THSD7B: variants seen among roughly 807,000 people sequenced by gnomAD.
THSD7B encodes thrombospondin type-1 domain-containing protein 7B.
In THSD7B, 138 loss-of-function variants were observed where a neutral mutation model predicts 213.6. That is an observed-to-expected ratio of 0.65 (90% CI 0.56 to 0.74). The LOEUF is 0.74. THSD7B is among the 30% of genes least tolerant of loss of function. The pLI is 0.00. For synonymous variants in THSD7B, 742 were observed against 687.0 expected (o/e 1.08, Z -1.25); for missense variants, 1,931 against 1,991.5 (o/e 0.97, Z 0.58).
chr2:137,478,216 C>T (rs1365939910), intron 15 of THSD7B, among the ~76,000 whole-genome samples: 1 of 152,134 alleles, frequency 6.6e-6, no homozygotes, highest in African/African-American at 2.4e-5. Context: ...TGCTAAAACA[C>T]CAAAAATTCA....
At chr2:136,979,648 A>C (rs1271502877) in intron 2 of THSD7B, among the ~76,000 whole-genome samples, 3 of 152,134 alleles carry the variant, frequency 2.0e-5, no homozygotes, top group Non-Finnish European at 4.4e-5. Flanking sequence ...GTTTCTCTCT[A>C]AACTGCTTAT....
rs1329892330 is a variant in THSD7B at position 136,961,224 on chromosome 2, C to T, written c.139+78907C>T. On this transcript the variant is annotated intron_variant, in intron 2 of 27. Transcript: ENST00000409968. The stretch of plus-strand genomic sequence containing the variant: ...TATTATTGACATGTATTTTTCTTTT[C>T]TTTTTTTTTTTTTTGAGATGGAGTC... 7.1e-5 allele frequency among the ~76,000 whole-genome samples: 9 copies of T among 126,956 alleles called. No individual in the cohort carries two copies. The East Asian group carries it at 9.1e-4, about 13-fold the overall frequency. The allele number at this position is 126,956 out of a possible 152,430, so 83.3% of individuals were successfully genotyped here.
chr2:137,555,937 G>A (rs1680953438), intron 15 of THSD7B, among the ~76,000 whole-genome samples: 1 of 152,138 alleles, frequency 6.6e-6, no homozygotes, highest in African/African-American at 2.4e-5. Context: ...GGAAGAAAGG[G>A]TATCAGTGAT....
At chr2:137,183,264 C>A (rs1241663473) in intron 7 of THSD7B, among the ~76,000 whole-genome samples, 2 of 151,990 alleles carry the variant, frequency 1.3e-5, no homozygotes, top group African/African-American at 4.8e-5. Context: ...TGTGCACTGC[C>A]CCAATGTAAA....
intron 15 of THSD7B, among the ~76,000 whole-genome samples, chr2:137,523,705 T>G (rs182154702): frequency 6.6e-6 from 1 of 152,312 alleles, no homozygotes; most frequent in Non-Finnish European, 1.5e-5. Context: ...TTAGTCAAGA[T>G]GGGTCTGAGC....
In THSD7B at chr2:137,172,008, C is replaced by T. The variant is rs574790557; in HGVS notation, c.1723+1070C>T. Among the ~76,000 whole-genome samples, 7 of 152,266 alleles carry T rather than the reference C, an allele frequency of 4.6e-5. No individual in the cohort carries two copies. In the South Asian group the frequency reaches 1.4e-3, roughly 32 times the overall value. On this transcript the variant is annotated intron_variant, in intron 7 of 27. Transcript: ENST00000409968. ...TAATAGCAACTCCTGTGAATATTAA[C>T]ATATAATTTTTGAATTGTGGTAACA...
chr2:137,304,222 C>T (rs1324821705), intron 12 of THSD7B, among the ~76,000 whole-genome samples: 1 of 152,018 alleles, frequency 6.6e-6, no homozygotes, highest in Non-Finnish European at 1.5e-5. Context: ...AATACTTGGA[C>T]AAATGTCCCC....
Position 137,676,507 on chromosome 2 carries a change from T to A in THSD7B, c.4740-17T>A. 1.3e-6 allele frequency: 2 copies of A among 1,572,988 alleles called. No individual in the cohort carries two copies. The highest frequency in any genetic ancestry group is 1.2e-5 in the South Asian group (1 of 84,536). On this transcript the variant is annotated splice_polypyrimidine_tract_variant and intron_variant, in intron 27 of 27. Transcript: ENST00000409968. ...CTATGAACTTACTTGATCTGAGGAATTTTTTTCCCTTTGCAGCAAGAAGCC... is the reference window on the plus strand; with the variant it reads ...CTATGAACTTACTTGATCTGAGGAAATTTTTTCCCTTTGCAGCAAGAAGCC...
intron 5 of THSD7B, among the ~76,000 whole-genome samples, chr2:137,147,408 A>G (rs1210802811): frequency 6.6e-6 from 1 of 152,128 alleles, no homozygotes; most frequent in African/African-American, 2.4e-5. Context: ...TTGCAAATTT[A>G]AAGTAGCATA....
intron 5 of THSD7B, among the ~76,000 whole-genome samples, chr2:137,134,649 C>T (rs1558933506): frequency 6.6e-6 from 1 of 152,112 alleles, no homozygotes; most frequent in Non-Finnish European, 1.5e-5. Context: ...AACGGCAAAC[C>T]TGTGGCCCTT....
chr2:137,243,109 T>G (rs897895967), intron 10 of THSD7B, among the ~76,000 whole-genome samples: 63 of 152,348 alleles, frequency 4.1e-4, no homozygotes, highest in African/African-American at 1.5e-3. Context: ...TGGGTATATT[T>G]GAAGGTATTT....
At chr2:136,869,602 A>C (rs1241479609) in intron 1 of THSD7B, among the ~76,000 whole-genome samples, 9 of 152,216 alleles carry the variant, frequency 5.9e-5, no homozygotes, top group Non-Finnish European at 5.9e-5. Flanking sequence ...AAGAAGTAAA[A>C]AAATCATACC....
intron 6 of THSD7B, among the ~76,000 whole-genome samples, chr2:137,163,768 A>G (rs1680064362): frequency 6.6e-6 from 1 of 152,240 alleles, no homozygotes; most frequent in South Asian, 2.1e-4. Context: ...ACTTTGAATC[A>G]GCATTTAGGC....
rs16837880 is a variant in THSD7B at position 137,020,457 on chromosome 2, C to A, written c.140-35963C>A. 6.5e-3 allele frequency among the ~76,000 whole-genome samples: 995 copies of A among 152,248 alleles called. 10 individuals carry two copies. The highest frequency in any genetic ancestry group is 0.023 in the African/African-American group (946 of 41,546). On this transcript the variant is annotated intron_variant, in intron 2 of 27. Coordinates refer to ENST00000409968, the MANE Select transcript of THSD7B (RefSeq NM_001316349.2). Reference sequence around the variant, plus strand: ...ATTTTCTCCTAGCCTGATCTGATTGCGGTTCATTTAAAAGGAACATACCTC... The same window carrying A: ...ATTTTCTCCTAGCCTGATCTGATTGAGGTTCATTTAAAAGGAACATACCTC...
At chr2:137,510,112 A>G (rs971729790) in intron 15 of THSD7B, among the ~76,000 whole-genome samples, 1 of 152,122 alleles carries the variant, frequency 6.6e-6, no homozygotes, top group African/African-American at 2.4e-5. Flanking sequence ...GTGAATTCAC[A>G]TTTAATATAG....
chr2:137,428,042 A>G (rs1468836677), intron 14 of THSD7B, among the ~76,000 whole-genome samples: 1 of 152,180 alleles, frequency 6.6e-6, no homozygotes, highest in Non-Finnish European at 1.5e-5. Flanking sequence ...AATTATTTGC[A>G]CGTCATATAT....
chr2:136,890,830 C>A (rs554892641), intron 2 of THSD7B, among the ~76,000 whole-genome samples: 1 of 151,676 alleles, frequency 6.6e-6, no homozygotes, highest in African/African-American at 2.4e-5. Flanking sequence ...CGTGAGCTAC[C>A]GTGCCTGGCC....
chr2:137,426,300 G>A (rs1275980341), intron 14 of THSD7B, among the ~76,000 whole-genome samples: 1 of 151,518 alleles, frequency 6.6e-6, no homozygotes, highest in Non-Finnish European at 1.5e-5. Context: ...AACCTCAATG[G>A]CACTTTTCAC....
At chr2:136,905,672 G>A (rs905469114) in intron 2 of THSD7B, among the ~76,000 whole-genome samples, 2 of 152,144 alleles carry the variant, frequency 1.3e-5, no homozygotes, top group Non-Finnish European at 2.9e-5. Flanking sequence ...TGCCTATCAG[G>A]AATAGTCTAT....
Sources: gnomAD v4.1 joint callset for allele counts (sites outside exome capture counted in the v4.1 genomes callset) on GRCh38, gnomAD v4.1.1 for gene constraint, MANE v1.5 for transcripts, NCBI Gene and HGNC (gene_info 2026-07-23, HGNC 2026-07-21) for gene names.